Variants in TTBK2 observed in about 807,000 individuals in gnomAD.
TTBK2 encodes tau-tubulin kinase 2.
TTBK2 carries 28 observed loss-of-function variants against 110.8 expected under a neutral mutation model. The observed-to-expected ratio is 0.25, with a 90% CI of 0.19 to 0.35. The LOEUF is 0.35. Among genes scored for constraint, TTBK2 ranks in the 10% least tolerant of loss-of-function variants. TTBK2 has a pLI of 1.00. For synonymous variants in TTBK2, 532 were observed against 527.3 expected, an observed-to-expected ratio of 1.01 and a Z score of -0.12; for missense variants, 1,369 against 1,500.3, an observed-to-expected ratio of 0.91 and a Z score of 1.45.
chr15:42,766,775 AAGC>A (rs1274557820), intron 13 of TTBK2, among the ~76,000 whole-genome samples: 1 of 152,198 alleles, frequency 6.6e-6, no homozygotes, highest in African/African-American at 2.4e-5. Flanking sequence ...GCTCTGCACC[AAGC>A]AGACCTAATA....
At chr15:42,902,076 C>T (rs975857691) in intron 1 of TTBK2, among the ~76,000 whole-genome samples, 1 of 150,364 alleles carries the variant, frequency 6.7e-6, no homozygotes, top group East Asian at 2.0e-4. Context: ...ATTAGCCAGG[C>T]GTGGTAGAGC....
At chr15:42,802,393 A>T (rs750588603) in intron 9 of TTBK2, 2 of 752,888 alleles carry the variant, frequency 2.7e-6, no homozygotes, top group Non-Finnish European at 4.8e-6. Context: ...CTTCCGGGTC[A>T]CCCTGATGGA....
At chr15:42,883,438 C>T (rs566714307) in intron 1 of TTBK2, among the ~76,000 whole-genome samples, 3 of 149,926 alleles carry the variant, frequency 2.0e-5, no homozygotes, top group South Asian at 2.1e-4. Context: ...CTCAAGATTG[C>T]GGTTAGGTTT....
intron 13 of TTBK2, among the ~76,000 whole-genome samples, chr15:42,764,254 T>C (rs1398065345): frequency 6.6e-6 from 1 of 152,190 alleles, no homozygotes; most frequent in South Asian, 2.1e-4. Context: ...CTGGGACTGG[T>C]TGGACAGTGG....
chr15:42,760,395 A>G (rs866745155), intron 13 of TTBK2, among the ~76,000 whole-genome samples: 1 of 151,038 alleles, frequency 6.6e-6, no homozygotes, highest in Non-Finnish European at 1.5e-5. Flanking sequence ...AAAAAAAAAA[A>G]AAAAAAAACA....
chr15:42,831,017 T>TAC (rs1892736348), intron 4 of TTBK2, among the ~76,000 whole-genome samples: 2 of 128,734 alleles, frequency 1.6e-5, no homozygotes, highest in African/African-American at 8.7e-5. Flanking sequence ...AAAAAAAATG[T>TAC]ATATATGTGT....
intron 4 of TTBK2, among the ~76,000 whole-genome samples, chr15:42,837,467 G>C (rs891846787): frequency 3.3e-5 from 5 of 151,794 alleles, no homozygotes; most frequent in Non-Finnish European, 7.4e-5. Context: ...AGACCAGCCT[G>C]GGCAAAATGG....
At chr15:42,829,724 A>G (rs1305791438) in intron 5 of TTBK2, among the ~76,000 whole-genome samples, 10 of 152,204 alleles carry the variant, frequency 6.6e-5, no homozygotes, top group Non-Finnish European at 1.5e-4. Flanking sequence ...ACTGTATGAG[A>G]AAAACTCCTG....
chr15:42,873,699 G>A (rs903200484), intron 2 of TTBK2, among the ~76,000 whole-genome samples: 4 of 152,216 alleles, frequency 2.6e-5, no homozygotes, highest in South Asian at 4.1e-4. Context: ...AGTATCATAA[G>A]CAAGTTCTGA....
chr15:42,822,540 G>A (rs1235692228), intron 6 of TTBK2, among the ~76,000 whole-genome samples: 1 of 151,996 alleles, frequency 6.6e-6, no homozygotes, highest in Non-Finnish European at 1.5e-5. Context: ...AAAGAGGGAG[G>A]AAAGTACTGT....
intron 6 of TTBK2, among the ~76,000 whole-genome samples, chr15:42,827,132 G>A (rs1421087907): frequency 6.6e-6 from 1 of 152,164 alleles, no homozygotes; most frequent in Non-Finnish European, 1.5e-5. Flanking sequence ...AGCCTTACTG[G>A]TACCACTACC....
chr15:42,910,901 A>G (rs1596051348), intron 1 of TTBK2, among the ~76,000 whole-genome samples: 1 of 151,982 alleles, frequency 6.6e-6, no homozygotes, highest in South Asian at 2.1e-4. Flanking sequence ...AAAATTAGCC[A>G]GGCATGGTGG....
intron 1 of TTBK2, among the ~76,000 whole-genome samples, chr15:42,905,935 T>A (rs1221916147): frequency 6.6e-6 from 1 of 152,180 alleles, no homozygotes; most frequent in East Asian, 1.9e-4. Context: ...ACACCTGTAA[T>A]CCCAGCACTT....
At chr15:42,798,203 C>G (rs1197741130) in intron 9 of TTBK2, 3 of 455,752 alleles carry the variant, frequency 6.6e-6, no homozygotes, top group Non-Finnish European at 1.3e-5. Context: ...TTTTTATATC[C>G]CAATGTCACT....
chr15:42,899,065 T>C (rs1895778919), intron 1 of TTBK2, among the ~76,000 whole-genome samples: 1 of 152,144 alleles, frequency 6.6e-6, no homozygotes, highest in Non-Finnish European at 1.5e-5. Flanking sequence ...TGATCTCAGC[T>C]CTCTGAAAAC....
chr15:42,897,274 G>A (rs1485147398), intron 1 of TTBK2, among the ~76,000 whole-genome samples: 5 of 152,078 alleles, frequency 3.3e-5, no homozygotes, highest in South Asian at 4.1e-4. Context: ...TTAGTAAGAC[G>A]TCCTGAGAGT....
intron 12 of TTBK2, 54 bp from the exon 13 acceptor site, chr15:42,775,777 T>C (rs1889892672): frequency 4.3e-6 from 6 of 1,406,188 alleles, no homozygotes; most frequent in Non-Finnish European, 5.9e-6. Flanking sequence ...ATTTATTATA[T>C]AATATATAAG....
intron 4 of TTBK2, among the ~76,000 whole-genome samples, chr15:42,837,105 A>G (rs1396531884): frequency 6.6e-6 from 1 of 152,178 alleles, no homozygotes; most frequent in African/African-American, 2.4e-5. Context: ...TACGTCTAGA[A>G]TCCCAGGGCT....
intron 3 of TTBK2, among the ~76,000 whole-genome samples, chr15:42,852,471 C>A (rs560545427): frequency 1.3e-5 from 2 of 152,318 alleles, no homozygotes; most frequent in Admixed American, 1.3e-4. Context: ...TTCTCCTTTT[C>A]TGACTCCTCT....
Sources: allele counts gnomAD v4.1 joint callset (sites outside exome capture counted in the v4.1 genomes callset), GRCh38; gene constraint gnomAD v4.1.1; transcripts MANE v1.5; gene names NCBI Gene and HGNC (gene_info 2026-07-23, HGNC 2026-07-21).